The following TRDN variants were observed in gnomAD, a reference collection of about 807,000 sequenced individuals.
TRDN encodes triadin in skeletal muscle.
Under a neutral mutation model 149.7 loss-of-function variants are expected in TRDN, and 161 were observed. The ratio of observed to expected loss-of-function variants is 1.08; its 90% CI spans 0.95 to 1.23. The LOEUF (loss-of-function observed/expected upper bound fraction) is 1.23. TRDN is among the 50% of genes most tolerant of loss of function. TRDN has a pLI of 0.00. For missense variants in TRDN, 896 were observed against 823.5 expected (o/e 1.09, Z -1.08); for synonymous variants, 294 against 250.5 (o/e 1.17, Z -1.64).
At chr6:123,469,948 T>A (rs142293302) in intron 9 of TRDN, 1 of 152,330 alleles carries the variant, frequency 6.6e-6, no homozygotes, top group African/African-American at 2.4e-5. Context: ...TTTCTACAAC[T>A]AATAATTTGC....
intron 5 of TRDN, among the ~76,000 whole-genome samples, chr6:123,518,678 A>T (rs1159352415): frequency 2.0e-5 from 3 of 152,284 alleles, no homozygotes; most frequent in South Asian, 2.1e-4. Flanking sequence ...CTGTTACCCT[A>T]GGGAGAAATC....
At chr6:123,270,918 G>T (rs1002831169) in intron 30 of TRDN, among the ~76,000 whole-genome samples, 1 of 151,912 alleles carries the variant, frequency 6.6e-6, no homozygotes, top group African/African-American at 2.4e-5. Flanking sequence ...CACACTTAAA[G>T]TTATGCTACT....
At chr6:123,235,566 AT>A (rs147050454) in intron 38 of TRDN, among the ~76,000 whole-genome samples, 1 of 152,132 alleles carries the variant, frequency 6.6e-6, no homozygotes, top group African/African-American at 2.4e-5. Context: ...TTTAAGGTTT[AT>A]TTTTTAAAAT....
chr6:123,532,483 G>C (rs1268602812), intron 4 of TRDN, among the ~76,000 whole-genome samples: 4 of 152,008 alleles, frequency 2.6e-5, no homozygotes, highest in Non-Finnish European at 5.9e-5. Context: ...ACAGGCCTGA[G>C]ATTGCCCAGG....
chr6:123,490,120 C>T (rs1363000694), intron 9 of TRDN, among the ~76,000 whole-genome samples: 1 of 152,028 alleles, frequency 6.6e-6, no homozygotes, highest in Non-Finnish European at 1.5e-5. Context: ...GACTATGAGT[C>T]TTCATAAGAC....
In TRDN at chr6:123,391,198, T is replaced by C. The variant is rs200033115; in HGVS notation, c.1105+2426A>G. Among the ~76,000 whole-genome samples the C allele has an allele frequency of 1.8e-4, 27 of 152,198 alleles. No individual in the cohort carries two copies. In the East Asian group the frequency reaches 5.2e-3, roughly 29 times the overall value. On this transcript the variant is annotated intron_variant, in intron 13 of 40. Coordinates refer to ENST00000334268, the MANE Select transcript of TRDN (RefSeq NM_006073.4). ...AAATTCTAATTGGCTCCAAAAAAAT[T>C]ATTGTCCAATTATTTTACTTTTGCT...
intron 5 of TRDN, among the ~76,000 whole-genome samples, chr6:123,516,457 C>G (rs1216655250): frequency 6.6e-6 from 1 of 152,004 alleles, no homozygotes; most frequent in East Asian, 1.9e-4. Flanking sequence ...TAAGAATACC[C>G]CCGTCAGCTT....
chr6:123,571,830 C>A (rs1172988649), intron 1 of TRDN, among the ~76,000 whole-genome samples: 1 of 151,810 alleles, frequency 6.6e-6, no homozygotes, highest in Non-Finnish European at 1.5e-5. Flanking sequence ...TGTTTTATTG[C>A]CATTCTGTAT....
In TRDN at chr6:123,273,334, T is replaced by C. The variant is rs917121544; in HGVS notation, c.1624+3A>G. The C allele has an allele frequency of 2.8e-6, 3 of 1,063,894 alleles. No homozygotes were observed. The highest frequency in any genetic ancestry group is 3.8e-5 in the Admixed American group (1 of 26,406). The allele number at this position is 1,063,894 out of a possible 1,614,324, so 65.9% of individuals were successfully genotyped here. A position where few individuals can be genotyped will look rare whatever the true frequency, so the allele number is the denominator to read the frequency against. On this transcript the variant is annotated splice_donor_region_variant and intron_variant, in intron 28 of 40. Coordinates refer to ENST00000334268, the MANE Select transcript of TRDN (RefSeq NM_006073.4). Reference sequence around the variant, plus strand: ...AAGCATAAAAGATAAAATTAATACATACTGTGTATTTGCACTTTTTCAGAT... The same window carrying C: ...AAGCATAAAAGATAAAATTAATACACACTGTGTATTTGCACTTTTTCAGAT...
rs1041184920 is a variant in TRDN, at chr6:123,619,889, G to A, written c.22+16865C>T. Among the ~76,000 whole-genome samples, 53 of 152,236 alleles carry A rather than the reference G, an allele frequency of 3.5e-4. 1 individual carries two copies. Among genetic ancestry groups the A allele is most frequent in the African/African-American group, 1.1e-3 (44 of 41,554 alleles). ...AAAAACAGAACCCTGCAGGTCCAGAGAAATAGCTGATTATGGGGAAAATTT... is the reference window on the plus strand; with the variant it reads ...AAAAACAGAACCCTGCAGGTCCAGAAAAATAGCTGATTATGGGGAAAATTT... On this transcript the variant is annotated intron_variant, in intron 1 of 40. Coordinates refer to ENST00000334268, the MANE Select transcript of TRDN (RefSeq NM_006073.4).
chr6:123,315,415 T>C (rs1778988111), intron 24 of TRDN, among the ~76,000 whole-genome samples: 1 of 151,944 alleles, frequency 6.6e-6, no homozygotes, highest in Admixed American at 6.6e-5. Flanking sequence ...GGCATGCTTA[T>C]TCACTAAAAA....
chr6:123,505,016 C>A (rs530860988), intron 7 of TRDN, among the ~76,000 whole-genome samples: 1 of 151,982 alleles, frequency 6.6e-6, no homozygotes, highest in African/African-American at 2.4e-5. Flanking sequence ...GAGACCAAGG[C>A]GGGCGGGTCA....
intron 9 of TRDN, among the ~76,000 whole-genome samples, chr6:123,486,934 T>C (rs1260769470): frequency 1.3e-5 from 2 of 152,042 alleles, no homozygotes; most frequent in African/African-American, 2.4e-5. Context: ...TTATTACCCA[T>C]GTTATGCAGT....
intron 9 of TRDN, chr6:123,471,247 G>A (rs1316474982): frequency 1.3e-5 from 2 of 152,154 alleles, no homozygotes; most frequent in Admixed American, 1.3e-4. Flanking sequence ...TTTGACTTGA[G>A]TATCTGGGAA....
At chr6:123,478,878 T>A (rs1232686976) in intron 9 of TRDN, among the ~76,000 whole-genome samples, 1 of 152,182 alleles carries the variant, frequency 6.6e-6, no homozygotes, top group African/African-American at 2.4e-5. Context: ...GAGGACCCAG[T>A]GTATGCTTTA....
At chr6:123,352,378 T>C (rs1169391597) in intron 21 of TRDN, 161 bp downstream of exon 21, 1 of 1,372,324 alleles carries the variant, frequency 7.3e-7, no homozygotes, top group African/African-American at 1.5e-5. Context: ...CCCAGATTGC[T>C]GTCTCACATT....
chr6:123,513,778 G>A (rs1583171805), intron 6 of TRDN, among the ~76,000 whole-genome samples: 1 of 151,954 alleles, frequency 6.6e-6, no homozygotes, highest in African/African-American at 2.4e-5. Context: ...AGTGGTGATT[G>A]GTGAGATTTT....
At chr6:123,318,065 T>A (rs1247830820) in intron 23 of TRDN, among the ~76,000 whole-genome samples, 1 of 151,998 alleles carries the variant, frequency 6.6e-6, no homozygotes, top group East Asian at 1.9e-4. Context: ...TGGTGCTATG[T>A]TTTGTCTCAG....
chr6:123,272,907 G>T, intron 29 of TRDN, 57 bp downstream of exon 29: 2 of 1,249,936 alleles, frequency 1.6e-6, no homozygotes, highest in Non-Finnish European at 2.2e-6. Context: ...TCTTCCTTCT[G>T]CTAAAATTAG....
Sources: gnomAD v4.1 joint callset for allele counts (sites outside exome capture counted in the v4.1 genomes callset) on GRCh38, gnomAD v4.1.1 for gene constraint, MANE v1.5 for transcripts, NCBI Gene and HGNC (gene_info 2026-07-23, HGNC 2026-07-21) for gene names.